CDH12: variants seen among roughly 807,000 people sequenced by gnomAD.
CDH12 encodes the protein cadherin-12.
A neutral mutation model predicts 74.1 loss-of-function variants in CDH12; 41 were observed. That is an observed-to-expected ratio of 0.55 (90% CI 0.43 to 0.72). CDH12 has a LOEUF of 0.72. Among genes scored for constraint, CDH12 ranks in the 30% least tolerant of loss-of-function variants. CDH12 has a pLI of 0.00. For missense variants in CDH12, 945 were observed against 977.2 expected (o/e 0.97, Z 0.44); for synonymous variants, 399 against 355.0 (o/e 1.12, Z -1.39).
At chr5:22,723,962 C>G (rs1744029385) in intron 1 of CDH12, among the ~76,000 whole-genome samples, 1 of 151,808 alleles carries the variant, frequency 6.6e-6, no homozygotes, top group Non-Finnish European at 1.5e-5. Context: ...TCTTAATTCT[C>G]TCAACAACTT....
At chr5:21,963,601 A>G (rs1224500463) in intron 6 of CDH12, among the ~76,000 whole-genome samples, 1 of 152,102 alleles carries the variant, frequency 6.6e-6, no homozygotes, top group Non-Finnish European at 1.5e-5. Context: ...ATCATTGTTT[A>G]TAGTGAAAAG....
At chr5:21,947,010 G>A (rs1755607719) in intron 6 of CDH12, among the ~76,000 whole-genome samples, 1 of 152,130 alleles carries the variant, frequency 6.6e-6, no homozygotes, top group Non-Finnish European at 1.5e-5. Flanking sequence ...AGATCTGATG[G>A]TTTTAAAAGT....
chr5:21,981,877 C>G (rs111969224), intron 5 of CDH12, among the ~76,000 whole-genome samples: 1 of 152,102 alleles, frequency 6.6e-6, no homozygotes, highest in Non-Finnish European at 1.5e-5. Context: ...TTTCATCATA[C>G]TACCCAGGCT....
chr5:22,561,662 T>C (rs1319251991), intron 1 of CDH12, among the ~76,000 whole-genome samples: 3 of 152,136 alleles, frequency 2.0e-5, no homozygotes, highest in Non-Finnish European at 4.4e-5. Context: ...GTGAGTTATA[T>C]AGAAAGGCGA....
chr5:22,588,633 GA>G (rs753363678), intron 1 of CDH12, among the ~76,000 whole-genome samples: 2 of 152,090 alleles, frequency 1.3e-5, no homozygotes, highest in Non-Finnish European at 2.9e-5. Flanking sequence ...ATGAGCAGGA[GA>G]AACAAATATC....
intron 3 of CDH12, among the ~76,000 whole-genome samples, chr5:22,215,553 T>A (rs564224868): frequency 3.4e-4 from 51 of 152,116 alleles, no homozygotes; most frequent in South Asian, 1.2e-3. Flanking sequence ...CTTCTGCAAT[T>A]CATTTGCTCT....
intron 5 of CDH12, among the ~76,000 whole-genome samples, chr5:22,046,430 CTTTTTTTT>C (rs11323330): frequency 2.0e-5 from 2 of 100,418 alleles, no homozygotes; most frequent in African/African-American, 4.3e-5. Context: ...CATTTAATTT[CTTTTTTTT>C]TTTTTTTTTT....
chr5:22,117,214 C>A (rs1181136612), intron 4 of CDH12, among the ~76,000 whole-genome samples: 2 of 150,442 alleles, frequency 1.3e-5, no homozygotes, highest in Non-Finnish European at 3.0e-5. Flanking sequence ...ATTGATTTCA[C>A]TTCTTGTATA....
intron 2 of CDH12, among the ~76,000 whole-genome samples, chr5:22,426,312 T>G (rs1000801430): frequency 6.6e-6 from 1 of 152,026 alleles, no homozygotes; most frequent in East Asian, 1.9e-4. Context: ...TTTATTTTAT[T>G]TTTATATTGT....
At chr5:22,473,789 T>C (rs1234597434) in intron 2 of CDH12, among the ~76,000 whole-genome samples, 1 of 152,146 alleles carries the variant, frequency 6.6e-6, no homozygotes, top group East Asian at 1.9e-4. Flanking sequence ...GCTGATATAG[T>C]GTAAATTGAT....
intron 4 of CDH12, among the ~76,000 whole-genome samples, chr5:22,160,434 T>C (rs1298696113): frequency 6.6e-6 from 1 of 152,042 alleles, no homozygotes; most frequent in Non-Finnish European, 1.5e-5. Context: ...GAACGTTGTT[T>C]AGCAAAAGGA....
At chr5:21,788,713 A>G (rs1012016762) in intron 10 of CDH12, among the ~76,000 whole-genome samples, 21 of 152,080 alleles carry the variant, frequency 1.4e-4, no homozygotes, top group African/African-American at 4.8e-4. Context: ...TTGCTTTATC[A>G]CTTTCTCTCT....
At chr5:22,091,957 T>A (rs1364603684) in intron 4 of CDH12, among the ~76,000 whole-genome samples, 7 of 152,028 alleles carry the variant, frequency 4.6e-5, no homozygotes, top group African/African-American at 1.4e-4. Context: ...TAGTCTTTTT[T>A]TTATGTGGAT....
rs181394753 is a variant in CDH12 at position 22,629,423 on chromosome 5, T to G, written c.-522-124059A>C. On this transcript the variant is annotated intron_variant, in intron 1 of 14. Coordinates refer to ENST00000382254, the MANE Select transcript of CDH12 (RefSeq NM_004061.5). ...CAAAATCGAATCCACCTAGATTAAG[T>G]AGGCTTCATTCTGGAATGCAAGATT... 2.6e-5 allele frequency among the ~76,000 whole-genome samples: 4 copies of G among 152,172 alleles called. No individual in the cohort carries two copies. In the East Asian group the frequency reaches 7.7e-4, roughly 29 times the overall value.
At chr5:21,824,291 TTGA>T (rs1290448347) in intron 8 of CDH12, among the ~76,000 whole-genome samples, 1 of 152,116 alleles carries the variant, frequency 6.6e-6, no homozygotes, top group Non-Finnish European at 1.5e-5. Context: ...CTGTTCTTAC[TTGA>T]TGATGTGGTT....
chr5:22,153,882 A>ATC (rs1561168464), intron 4 of CDH12, among the ~76,000 whole-genome samples: 1 of 49,608 alleles, frequency 2.0e-5, no homozygotes, highest in Non-Finnish European at 4.5e-5. Flanking sequence ...GTATATATAT[A>ATC]TATATAAATA....
intron 3 of CDH12, among the ~76,000 whole-genome samples, chr5:22,222,570 T>G (rs993037638): frequency 6.6e-6 from 1 of 151,928 alleles, no homozygotes; most frequent in African/African-American, 2.4e-5. Flanking sequence ...GTCATTTTAT[T>G]TTTTATATAT....
At chr5:22,634,400 C>T (rs1738729868) in intron 1 of CDH12, among the ~76,000 whole-genome samples, 2 of 151,906 alleles carry the variant, frequency 1.3e-5, no homozygotes, top group Admixed American at 1.3e-4. Flanking sequence ...GAAAAAAGTA[C>T]CAGGTCAACA....
chr5:22,019,902 A>G (rs1454728762), intron 5 of CDH12, among the ~76,000 whole-genome samples: 2 of 152,190 alleles, frequency 1.3e-5, no homozygotes, highest in Non-Finnish European at 2.9e-5. Flanking sequence ...AAATCTTCCA[A>G]GAAATGCCTG....
Sources: gnomAD v4.1 joint callset for allele counts (sites outside exome capture counted in the v4.1 genomes callset) on GRCh38, gnomAD v4.1.1 for gene constraint, MANE v1.5 for transcripts, NCBI Gene and HGNC (gene_info 2026-07-23, HGNC 2026-07-21) for gene names.